The following MYH8 variants were observed in gnomAD, a reference collection of about 807,000 sequenced individuals.
MYH8 encodes the protein myosin-8.
MYH8 carries 168 observed loss-of-function variants against 233.2 expected under a neutral mutation model. The ratio of observed to expected loss-of-function variants is 0.72; its 90% CI spans 0.64 to 0.82. The LOEUF (loss-of-function observed/expected upper bound fraction) is 0.82, where lower values mean the gene tolerates loss of function less well. Among genes scored for constraint, MYH8 ranks in the 40% least tolerant of loss-of-function variants. MYH8 has a pLI of 0.00. For missense variants in MYH8, 1,995 were observed against 2,327.8 expected (o/e 0.86, Z 2.94); for synonymous variants, 785 against 850.6 (o/e 0.92, Z 1.34).
chr17:10,394,571 G>T, intron 34 of MYH8, 119 bp from the exon 35 acceptor site: 2 of 1,210,846 alleles, frequency 1.7e-6, no homozygotes, highest in Non-Finnish European at 2.4e-6. Context: ...CCTGTCATTT[G>T]AATGCATCTG....
rs778974128 is a variant in MYH8, at chr17:10,401,714, G to T, written c.2760C>A (p.Ala920=). 22 of 1,613,848 alleles carry T rather than the reference G, an allele frequency of 1.4e-5. No individual in the cohort carries two copies. Among genetic ancestry groups the T allele is most frequent in the Non-Finnish European group, 1.8e-5 (21 of 1,180,026 alleles). The change falls in exon 23 of 40, where the codon GCC becomes GCA. Residue 920 remains alanine, a synonymous_variant. Coordinates refer to ENST00000403437, the MANE Select transcript of MYH8 (RefSeq NM_002472.3). ...CTCTTTCAGTCACCTCTTTGATTTT[G>T]GCCTCAAGTTGGATTTTGTTTTTAA... ...QLIKNKIQLE[A]KIKEVTERAE...
chr17:10,398,958 G>A (rs2072106089), intron 28 of MYH8, 72 bp from the exon 29 acceptor site: 11 of 810,644 alleles, frequency 1.4e-5, no homozygotes, highest in Non-Finnish European at 2.1e-5. Context: ...ATTTATATAT[G>A]TGTGTGTGTA....
chr17:10,416,559 A>G (rs1298282970), intron 5 of MYH8, among the ~76,000 whole-genome samples: 2 of 152,228 alleles, frequency 1.3e-5, no homozygotes, highest in South Asian at 2.1e-4. Context: ...ATCATTTTAC[A>G]TGATCACTAA....
chr17:10,400,963 T>C lies in MYH8; in HGVS notation c.3255-4A>G. On this transcript the variant is annotated splice_polypyrimidine_tract_variant and splice_region_variant and intron_variant, in intron 25 of 39. Transcript: ENST00000403437. This position sits in a 1 kb window ranked among gnomAD's most constrained non-coding sequence, Gnocchi z 4.0. ...ATTGCTGATTTCAAATTCTTTCCTT[T>C]AGACAGAAGAGCAAGACGTATTAAT... is the stretch of plus-strand genomic sequence containing the variant. 6.2e-7 allele frequency: 1 copy of C among 1,613,646 alleles called. No individual in the cohort carries two copies. The highest frequency in any genetic ancestry group is 8.5e-7 in the Non-Finnish European group (1 of 1,179,782).
intron 33 of MYH8, among the ~76,000 whole-genome samples, chr17:10,395,706 G>A (rs1475431577): frequency 6.6e-6 from 1 of 151,930 alleles, no homozygotes; most frequent in Non-Finnish European, 1.5e-5. Flanking sequence ...TTCATGTATA[G>A]TAAATATAAA....
intron 34 of MYH8, 31 bp from the exon 35 acceptor site, chr17:10,394,483 T>C (rs753420549): frequency 6.2e-7 from 1 of 1,611,090 alleles, no homozygotes; most frequent in South Asian, 1.1e-5. Flanking sequence ...AGGCCTTAAG[T>C]GTTCTGAAGA....
In MYH8 at chr17:10,395,305, A is replaced by G. The variant is rs1006892268; in HGVS notation, c.4790T>C (p.Val1597Ala). The G allele has an allele frequency of 3.1e-6, 5 of 1,613,974 alleles. No homozygotes were observed. Among genetic ancestry groups the G allele is most frequent in the Non-Finnish European group, 4.2e-6 (5 of 1,180,020 alleles). Residue 1597 changes from valine to alanine, a missense_variant, in exon 34 of 40, where the codon GTG becomes GCG. Physicochemically the swap from Val to Ala is moderately conservative, Grantham distance 64. Coordinates refer to ENST00000403437, the MANE Select transcript of MYH8 (RefSeq NM_002472.3). The stretch of plus-strand genomic sequence containing the variant: ...ATCCAGCGTGCTCTGCATTGTCTCC[A>G]CGACTCTAGTGTGGTTTCTCTTCAG... ...DQLKRNHTRV[V>A]ETMQSTLDAE...
At position 10,395,253 on chromosome 17, in the gene MYH8, A is replaced by G; in HGVS notation, c.4842T>C (p.Ala1614=). 6.2e-7 allele frequency: 1 copy of G among 1,614,096 alleles called. No individual in the cohort carries two copies. Among genetic ancestry groups the G allele is most frequent in the Non-Finnish European group, 8.5e-7 (1 of 1,180,032 alleles). The change falls in exon 34 of 40, where the codon GCT becomes GCC. Residue 1614 remains alanine (A), a synonymous_variant. Transcript: ENST00000403437. ...LDAEIRSRND[A]LRVKKKMEGD... is the part of the protein sequence containing the mutation. ...CTTCCATTTTCTTCTTGACTCTCAG[A>G]GCATCATTTCTGCTTCTAATCTCTG... is the stretch of plus-strand genomic sequence containing the variant.
intron 14 of MYH8, among the ~76,000 whole-genome samples, 182 bp downstream of exon 14, chr17:10,412,188 A>C (rs1015751431): frequency 5.3e-5 from 8 of 152,240 alleles, no homozygotes; most frequent in African/African-American, 1.9e-4. Flanking sequence ...CTGCTGGCCC[A>C]GTGAGCGTTA....
At chr17:10,394,561 C>T in intron 34 of MYH8, 109 bp from the exon 35 acceptor site, 2 of 1,328,496 alleles carry the variant, frequency 1.5e-6, no homozygotes, top group East Asian at 2.5e-5. Context: ...ATGACATATG[C>T]CTGTCATTTG....
intron 37 of MYH8, 81 bp downstream of exon 37, chr17:10,392,750 G>A: frequency 6.2e-7 from 1 of 1,613,834 alleles, no homozygotes; most frequent in South Asian, 1.1e-5. Flanking sequence ...AGGACAGGAT[G>A]GGAGTCTTGT....
In MYH8 at chr17:10,409,120, G is replaced by A; in HGVS notation, c.1942C>T (p.Gln648Ter). Residue 648 changes from glutamine (Q) to a stop codon, truncating the protein, a stop_gained, in exon 17 of 40, where the codon CAG (glutamine) becomes TAG (stop). Coordinates refer to ENST00000403437, the MANE Select transcript of MYH8 (RefSeq NM_002472.3). LOFTEE classifies it high-confidence loss of function. The stretch of plus-strand genomic sequence containing the variant: ...ACCCTGAAAAGGGCAGACACAGTCT[G>A]GAAAGAAGAGCCCTTTTTCTTAGCA... Reference protein sequence around the residue: ...KGAKKKGSSFQTVSALFRENL... With the variant: ...KGAKKKGSSF The A allele has an allele frequency of 6.2e-7, 1 of 1,614,142 alleles. No homozygotes were observed. The highest frequency in any genetic ancestry group is 1.1e-5 in the South Asian group (1 of 91,080).
At position 10,400,761 on chromosome 17, in the gene MYH8, C is replaced by G. The variant is rs747160540; in HGVS notation, c.3364G>C (p.Gly1122Arg). The change falls in exon 27 of 40, where the codon GGG (glycine) becomes CGG (arginine). Residue 1122 changes from glycine (G) to arginine (R), a missense_variant. This residue lies in a region of MYH8 where 1,498 missense variants were observed against 1,680.9 expected (regional missense o/e 0.89). Coordinates refer to ENST00000403437, the MANE Select transcript of MYH8 (RefSeq NM_002472.3). This position sits in a 1 kb window ranked among gnomAD's most constrained non-coding sequence, Gnocchi z 4.0. Reference sequence around the variant, plus strand: ...GCCCTCTCTGCCTCGATTTCTTCCCCCAGCTCCTCAATGCGGGCCTGGGAA... The same window carrying G: ...GCCCTCTCTGCCTCGATTTCTTCCCGCAGCTCCTCAATGCGGGCCTGGGAA... ...KELQARIEEL[G>R]EEIEAERASR... is the part of the protein sequence containing the mutation. 6.2e-7 allele frequency: 1 copy of G among 1,614,188 alleles called. No homozygotes were observed. The highest frequency in any genetic ancestry group is 8.5e-7 in the Non-Finnish European group (1 of 1,180,050).
At chr17:10,401,844 T>G in intron 22 of MYH8, 59 bp from the exon 23 acceptor site, 1 of 1,608,522 alleles carries the variant, frequency 6.2e-7, no homozygotes, top group South Asian at 1.1e-5. Flanking sequence ...ACTTGGTGTT[T>G]TTTTTGCGCA....
chr17:10,397,810 A>G (rs1276910841), intron 30 of MYH8, among the ~76,000 whole-genome samples: 2 of 152,178 alleles, frequency 1.3e-5, no homozygotes, highest in East Asian at 3.8e-4. Context: ...TCTTCTAATC[A>G]TTATAGTTGG....
Position 10,391,897 on chromosome 17 carries a change from T to C in MYH8, c.5649A>G (p.Arg1883=), listed in dbSNP as rs745775110. The C allele has an allele frequency of 6.2e-7, 1 of 1,613,980 alleles. No homozygotes were observed. Among genetic ancestry groups the C allele is most frequent in the Non-Finnish European group, 8.5e-7 (1 of 1,179,838 alleles). The change falls in exon 39 of 40, where the codon AGA becomes AGG. Residue 1883 remains arginine, a synonymous_variant. Transcript: ENST00000403437. Reference sequence around the variant, plus strand: ...AGATACTTACAGCCTCCTCAGCTTGTCTCTTGTATGATTTCACCTTCGCCT... The same window carrying C: ...AGATACTTACAGCCTCCTCAGCTTGCCTCTTGTATGATTTCACCTTCGCCT... ...KLQAKVKSYK[R]QAEEAEEQSN...
chr17:10,405,988 G>T, intron 21 of MYH8, 53 bp downstream of exon 21: 2 of 1,597,448 alleles, frequency 1.3e-6, no homozygotes, highest in Non-Finnish European at 1.7e-6. Flanking sequence ...GAACAAGACT[G>T]ATTGATAGTC....
rs920393717 is a variant in MYH8 at position 10,390,481 on chromosome 17, C to T, written c.5787G>A (p.Glu1929=). 1 of 1,613,928 alleles carries T rather than the reference C, an allele frequency of 6.2e-7. No homozygotes were observed. Among genetic ancestry groups the T allele is most frequent in the Non-Finnish European group, 8.5e-7 (1 of 1,180,058 alleles). The change falls in exon 40 of 40, where the codon GAG becomes GAA. Residue 1929 remains glutamate, a synonymous_variant. Transcript: ENST00000403437. The part of the protein sequence containing the change: ...QVNKLRVKSR[E]VHTKISAE Reference sequence around the variant, plus strand: ...ACTCTGCACTGATTTTTGTGTGAACCTCTCGGCTCTTCACTCGCAATTTGT... The same window carrying T: ...ACTCTGCACTGATTTTTGTGTGAACTTCTCGGCTCTTCACTCGCAATTTGT...
At chr17:10,410,197 G>A (rs866596677) in intron 15 of MYH8, among the ~76,000 whole-genome samples, 1 of 152,116 alleles carries the variant, frequency 6.6e-6, no homozygotes, top group Non-Finnish European at 1.5e-5. Flanking sequence ...CCAGCTACTC[G>A]GGAGGCTGAG....
Sources: allele counts gnomAD v4.1 joint callset (sites outside exome capture counted in the v4.1 genomes callset), GRCh38; gene constraint gnomAD v4.1.1; regional missense constraint gnomAD v4.1.1; non-coding constraint Gnocchi (gnomAD v3.1); transcripts MANE v1.5; gene names NCBI Gene and HGNC (gene_info 2026-07-23, HGNC 2026-07-21).